The following ADAMTSL1 variants were observed in gnomAD, a reference collection of about 807,000 sequenced individuals.
ADAMTSL1 encodes ADAMTS-like protein 1.
In ADAMTSL1, 126 loss-of-function variants were observed where a neutral mutation model predicts 201.8. That is an observed-to-expected ratio of 0.62 (90% confidence interval 0.54 to 0.72). ADAMTSL1 has a LOEUF of 0.72. Ranked by LOEUF, ADAMTSL1 falls within the 30% of genes least tolerant of loss-of-function variation. The pLI, the probability that ADAMTSL1 is intolerant of heterozygous loss-of-function variation, is 0.00. For missense variants in ADAMTSL1, 2,679 were observed against 2,277.8 expected (o/e 1.18, Z -3.59); for synonymous variants, 1,121 against 903.4 (o/e 1.24, Z -4.32).
rs187422334 is a variant in ADAMTSL1 at position 18,007,104 on chromosome 9, C to T, written c.87+100182C>T. On this transcript the variant is annotated intron_variant, in intron 1 of 29. Coordinates refer to the ADAMTSL1 transcript ENST00000680146. ...AGCTGTGAGCCTAGGATTAATTTTG[C>T]CAAGCATTTCCTTTGAAGGGGAGAT... Among the ~76,000 whole-genome samples, 284 of 152,086 alleles carry T rather than the reference C, an allele frequency of 1.9e-3. 3 individuals carry two copies. Among genetic ancestry groups the T allele is most frequent in the Admixed American group, 0.016 (238 of 15,264 alleles).
At chr9:18,094,709 C>T (rs996659037) in intron 1 of ADAMTSL1, among the ~76,000 whole-genome samples, 7 of 151,850 alleles carry the variant, frequency 4.6e-5, no homozygotes, top group Admixed American at 1.3e-4. Context: ...TACAGGTGCA[C>T]GCCACCATGC....
intron 2 of ADAMTSL1, among the ~76,000 whole-genome samples, chr9:18,380,621 G>C (rs1304134658): frequency 1.3e-5 from 2 of 152,194 alleles, no homozygotes; most frequent in Non-Finnish European, 2.9e-5. Flanking sequence ...ATGAGGCAAA[G>C]AGCAGTTTAA....
chr9:18,848,680 T>C (rs1404409325), intron 23 of ADAMTSL1, among the ~76,000 whole-genome samples: 5 of 152,234 alleles, frequency 3.3e-5, no homozygotes, highest in Non-Finnish European at 7.3e-5. Flanking sequence ...CTGAAGCACC[T>C]ACTCTAGACC....
rs374481757 is a variant in ADAMTSL1 at position 18,381,760 on chromosome 9, C to T, written c.208-123069C>T. ...GCCAATTTTTAAAACTATGTATCAC[C>T]GAGAACCCATTTGGAGCAGGAGAGG... On this transcript the variant is annotated intron_variant, in intron 2 of 29. Coordinates refer to the ADAMTSL1 transcript ENST00000680146. 9.5e-4 allele frequency among the ~76,000 whole-genome samples: 144 copies of T among 152,032 alleles called. 1 individual carries two copies. Among genetic ancestry groups the T allele is most frequent in the African/African-American group, 2.9e-3 (122 of 41,482 alleles).
chr9:18,499,232 T>A (rs1822703572), intron 1 of ADAMTSL1, among the ~76,000 whole-genome samples: 1 of 152,112 alleles, frequency 6.6e-6, no homozygotes, highest in African/African-American at 2.4e-5. Flanking sequence ...CAGCAGCAAA[T>A]ATCATCTGGG....
At chr9:18,076,579 C>G (rs1823236230) in intron 1 of ADAMTSL1, among the ~76,000 whole-genome samples, 1 of 152,124 alleles carries the variant, frequency 6.6e-6, no homozygotes, top group Admixed American at 6.6e-5. Context: ...TAAAAAACAC[C>G]TGAATGTGGT....
At chr9:18,886,413 C>T (rs1828902289) in intron 23 of ADAMTSL1, among the ~76,000 whole-genome samples, 1 of 151,538 alleles carries the variant, frequency 6.6e-6, no homozygotes, top group South Asian at 2.1e-4. Flanking sequence ...AGAAAAAATC[C>T]CTTCTCTCTA....
intron 2 of ADAMTSL1, among the ~76,000 whole-genome samples, chr9:18,176,366 A>G (rs1009585366): frequency 3.3e-5 from 5 of 152,194 alleles, no homozygotes; most frequent in Admixed American, 3.3e-4. Flanking sequence ...ATGGGAGTAT[A>G]TATCATTTAT....
At chr9:18,169,801 T>A (rs1827809403) in intron 2 of ADAMTSL1, among the ~76,000 whole-genome samples, 1 of 152,256 alleles carries the variant, frequency 6.6e-6, no homozygotes, top group East Asian at 1.9e-4. Flanking sequence ...TCTATTTCAT[T>A]GAGCAGTGGT....
chr9:18,892,329 G>A lies in ADAMTSL1; in HGVS notation c.4644-60G>A, dbSNP rs1829330431. On this transcript the variant is annotated intron_variant, in intron 25 of 28. Transcript: ENST00000380548. Reference sequence around the variant, plus strand: ...GAGCAGGGATGTCGGTGGGGAGGAGGTCTCTTTTCCCCAGGGCCTGTCCCT... The same window carrying A: ...GAGCAGGGATGTCGGTGGGGAGGAGATCTCTTTTCCCCAGGGCCTGTCCCT... 8.6e-6 allele frequency: 13 copies of A among 1,516,400 alleles called. No homozygotes were observed. The South Asian group carries it at 1.3e-4, about 15-fold the overall frequency. 93.9% of individuals were successfully genotyped at this position (1,516,400 alleles called of 1,614,324 possible).
At chr9:17,917,348 G>C (rs1426888280) in intron 1 of ADAMTSL1, among the ~76,000 whole-genome samples, 1 of 152,010 alleles carries the variant, frequency 6.6e-6, no homozygotes, top group Non-Finnish European at 1.5e-5. Context: ...TATGATGTTA[G>C]GTGTGGGCTT....
At chr9:17,927,531 A>G (rs1304633780) in intron 1 of ADAMTSL1, among the ~76,000 whole-genome samples, 1 of 151,880 alleles carries the variant, frequency 6.6e-6, no homozygotes, top group Non-Finnish European at 1.5e-5. Flanking sequence ...TATCTATGGG[A>G]CCTGCATCTG....
At chr9:18,624,565 A>G (rs1383636060) in intron 5 of ADAMTSL1, among the ~76,000 whole-genome samples, 1 of 152,202 alleles carries the variant, frequency 6.6e-6, no homozygotes, top group African/African-American at 2.4e-5. Context: ...ATGGCTGTAT[A>G]GTGTCCTGGG....
chr9:17,923,019 T>C (rs12551822), intron 1 of ADAMTSL1, among the ~76,000 whole-genome samples: 19,591 of 152,170 alleles, frequency 0.13, 2,086 homozygotes, highest in East Asian at 0.55. Flanking sequence ...GATTAACAGA[T>C]ACTTGTTTAG....
intron 1 of ADAMTSL1, among the ~76,000 whole-genome samples, chr9:18,051,226 A>G (rs886809081): frequency 5.3e-5 from 8 of 152,210 alleles, no homozygotes; most frequent in East Asian, 1.9e-4. Context: ...GCGTGAACCC[A>G]GGAGGAGGAG....
At chr9:18,102,368 A>G (rs950415553) in intron 1 of ADAMTSL1, among the ~76,000 whole-genome samples, 59 of 152,188 alleles carry the variant, frequency 3.9e-4, no homozygotes, top group Non-Finnish European at 2.9e-4. Context: ...TATTTATCCA[A>G]TGCCTGAGAA....
At chr9:18,127,523 A>C (rs999765696) in intron 1 of ADAMTSL1, among the ~76,000 whole-genome samples, 5 of 118,998 alleles carry the variant, frequency 4.2e-5, no homozygotes, top group African/African-American at 1.8e-4. Context: ...CACACACACA[A>C]CACATGCTTT....
intron 2 of ADAMTSL1, among the ~76,000 whole-genome samples, chr9:18,514,387 C>T (rs1219486439): frequency 5.8e-5 from 8 of 138,814 alleles, no homozygotes; most frequent in Non-Finnish European, 7.6e-5. Context: ...TGGAGTGCAG[C>T]GGCACTATCT....
chr9:18,591,707 C>T (rs1823926369), intron 4 of ADAMTSL1, among the ~76,000 whole-genome samples: 1 of 152,134 alleles, frequency 6.6e-6, no homozygotes, highest in Admixed American at 6.6e-5. Context: ...TAGGCTCAAA[C>T]ACATCTTTAT....
Sources: gnomAD v4.1 joint callset for allele counts (sites outside exome capture counted in the v4.1 genomes callset) on GRCh38, gnomAD v4.1.1 for gene constraint, MANE v1.5 for transcripts, NCBI Gene and HGNC (gene_info 2026-07-23, HGNC 2026-07-21) for gene names.